Variants in FBXO15 observed in about 807,000 individuals in gnomAD.
FBXO15 encodes the protein F-box protein 15.
A neutral mutation model predicts 49.5 loss-of-function variants in FBXO15; 30 were observed. The ratio of observed to expected loss-of-function variants is 0.61; its 90% CI spans 0.45 to 0.82. The LOEUF (loss-of-function observed/expected upper bound fraction) is 0.82, where lower values mean the gene tolerates loss of function less well. FBXO15 is among the 40% of genes least tolerant of loss of function. FBXO15 has a pLI of 0.00. For synonymous variants in FBXO15, 250 were observed against 232.7 expected (o/e 1.07, Z -0.68); for missense variants, 591 against 631.5 (o/e 0.94, Z 0.69).
At chr18:74,144,857 A>T (rs1468913842) in intron 1 of FBXO15, among the ~76,000 whole-genome samples, 1 of 152,204 alleles carries the variant, frequency 6.6e-6, no homozygotes, top group Non-Finnish European at 1.5e-5. Flanking sequence ...TCCACCACCA[A>T]GTTCTTACTG....
chr18:74,124,593 A>T (rs764264668), intron 6 of FBXO15, 22 bp from the exon 7 acceptor site: 12 of 1,603,858 alleles, frequency 7.5e-6, no homozygotes, highest in Middle Eastern at 1.7e-4. Flanking sequence ...ATTGAGAAGA[A>T]TACATATTTC....
chr18:74,077,767 G>C (rs995900935), intron 9 of FBXO15, among the ~76,000 whole-genome samples: 4 of 152,150 alleles, frequency 2.6e-5, no homozygotes, highest in African/African-American at 9.7e-5. Flanking sequence ...TCCTGGAATG[G>C]GCATTACCAC....
chr18:74,117,088 G>C (rs1914264225), intron 8 of FBXO15, among the ~76,000 whole-genome samples: 1 of 152,084 alleles, frequency 6.6e-6, no homozygotes, highest in South Asian at 2.1e-4. Context: ...TACCACAAGA[G>C]AGTTTCTCAA....
chr18:74,083,858 T>C (rs1237942313), intron 8 of FBXO15, among the ~76,000 whole-genome samples: 1 of 152,228 alleles, frequency 6.6e-6, no homozygotes, highest in Non-Finnish European at 1.5e-5. Context: ...GGTGTATTTT[T>C]GAGTACTTAT....
chr18:74,125,564 C>T (rs1483693182), intron 6 of FBXO15, among the ~76,000 whole-genome samples: 2 of 152,164 alleles, frequency 1.3e-5, no homozygotes, highest in Non-Finnish European at 2.9e-5. Flanking sequence ...GGATCAGAAA[C>T]AGGCTTGGGA....
chr18:74,110,529 TA>T (rs1913974557), intron 8 of FBXO15, among the ~76,000 whole-genome samples: 1 of 150,492 alleles, frequency 6.6e-6, no homozygotes, highest in Non-Finnish European at 1.5e-5. Context: ...TAGAAAACAA[TA>T]AAAAATATGG....
chr18:74,124,648 A>G, intron 6 of FBXO15, 77 bp from the exon 7 acceptor site: 1 of 1,270,514 alleles, frequency 7.9e-7, no homozygotes, highest in South Asian at 1.2e-5. Flanking sequence ...TGAAGATCAC[A>G]GCACATTCAT....
intron 8 of FBXO15, among the ~76,000 whole-genome samples, chr18:74,085,811 C>T (rs901874393): frequency 7.2e-5 from 11 of 151,980 alleles, no homozygotes; most frequent in Admixed American, 2.6e-4. Context: ...GATAACAAAC[C>T]GAAATGCAAA....
intron 8 of FBXO15, among the ~76,000 whole-genome samples, chr18:74,109,534 G>A (rs1041879660): frequency 4.6e-5 from 7 of 152,126 alleles, no homozygotes; most frequent in African/African-American, 1.4e-4. Flanking sequence ...GCACACATAC[G>A]TTTATTGTGG....
rs1346796570 is a variant in FBXO15 at position 74,147,723 on chromosome 18, C to T, written c.63G>A (p.Gly21=). Residue 21 remains glycine, a synonymous_variant, in exon 1 of 10, where the codon GGG becomes GGA. Coordinates refer to ENST00000419743, the MANE Select transcript of FBXO15 (RefSeq NM_001142958.2). The part of the protein sequence containing the change: ...QHWLGLQTLR[G]PSRGGGAARG... ...GGGCCGCGCCACCGCCCCTGCTGGG[C>T]CCGCGCAGCGTCTGGAGGCCGAGCC... The T allele has an allele frequency of 6.5e-7, 1 of 1,534,328 alleles. No homozygotes were observed. The highest frequency in any genetic ancestry group is 8.8e-7 in the Non-Finnish European group (1 of 1,142,648).
At chr18:74,096,382 C>A (rs1220731037) in intron 8 of FBXO15, among the ~76,000 whole-genome samples, 1 of 152,100 alleles carries the variant, frequency 6.6e-6, no homozygotes, top group East Asian at 1.9e-4. Flanking sequence ...AGGATATACT[C>A]TTTGGGGCCT....
intron 8 of FBXO15, among the ~76,000 whole-genome samples, chr18:74,091,800 G>C (rs534783356): frequency 6.6e-6 from 1 of 152,212 alleles, no homozygotes; most frequent in African/African-American, 2.4e-5. Flanking sequence ...CCTTCCCCCA[G>C]CTGCCTTTAA....
intron 1 of FBXO15, among the ~76,000 whole-genome samples, chr18:74,146,154 C>A (rs1979397060): frequency 6.6e-6 from 1 of 152,148 alleles, no homozygotes; most frequent in South Asian, 2.1e-4. Context: ...ACAGCAGGTA[C>A]AAATTAAGCC....
At chr18:74,132,701 C>T (rs1184132145) in intron 3 of FBXO15, among the ~76,000 whole-genome samples, 5 of 152,186 alleles carry the variant, frequency 3.3e-5, no homozygotes, top group Non-Finnish European at 7.3e-5. Flanking sequence ...TAGTCAGATT[C>T]GAGGACGAGG....
chr18:74,140,416 C>A, intron 1 of FBXO15, 104 bp from the exon 2 acceptor site: 3 of 1,006,042 alleles, frequency 3.0e-6, no homozygotes, highest in Non-Finnish European at 4.1e-6. Context: ...CCAAAGATTA[C>A]TCACTGAAAA....
chr18:74,141,652 G>A (rs1568183966), intron 1 of FBXO15, among the ~76,000 whole-genome samples: 1 of 152,176 alleles, frequency 6.6e-6, no homozygotes, highest in Admixed American at 6.5e-5. Flanking sequence ...CCTGAAAGCT[G>A]AAGTATGAAA....
At position 74,073,604 on chromosome 18, in the gene FBXO15, A is replaced by G; in HGVS notation, c.1390T>C (p.Tyr464His). 1 of 1,614,200 alleles carries G rather than the reference A, an allele frequency of 6.2e-7. No individual in the cohort carries two copies. The highest frequency in any genetic ancestry group is 8.5e-7 in the Non-Finnish European group (1 of 1,180,038). Residue 464 changes from tyrosine (Y) to histidine (H), a missense_variant, in exon 10 of 10, where the codon TAC (tyrosine) becomes CAC (histidine). By Grantham distance (83) the Tyr-to-His change is moderately conservative. Coordinates refer to ENST00000419743, the MANE Select transcript of FBXO15 (RefSeq NM_001142958.2). ...TCCGCATCAACGTAGTCCACGTTGTATGTCTGTCCCAAGAAGCTAGAGCTG... is the reference window on the plus strand; with the variant it reads ...TCCGCATCAACGTAGTCCACGTTGTGTGTCTGTCCCAAGAAGCTAGAGCTG... ...SDSSSFLGQT[Y>H]NVDYVDAEGR...
At chr18:74,133,125 T>C (rs1406897937) in intron 3 of FBXO15, among the ~76,000 whole-genome samples, 1 of 152,272 alleles carries the variant, frequency 6.6e-6, no homozygotes, top group Non-Finnish European at 1.5e-5. Context: ...TGATCAGACG[T>C]TGACTTTAAG....
At chr18:74,093,801 C>A (rs550992784) in intron 8 of FBXO15, among the ~76,000 whole-genome samples, 1 of 152,282 alleles carries the variant, frequency 6.6e-6, no homozygotes, top group African/African-American at 2.4e-5. Flanking sequence ...TGACCTCCTC[C>A]CTTGAATCAT....
Sources: gnomAD v4.1 joint callset for allele counts (sites outside exome capture counted in the v4.1 genomes callset) on GRCh38, gnomAD v4.1.1 for gene constraint, MANE v1.5 for transcripts, NCBI Gene and HGNC (gene_info 2026-07-23, HGNC 2026-07-21) for gene names.